CACNA1B: variants seen among roughly 807,000 people sequenced by gnomAD.
CACNA1B encodes the protein calcium voltage-gated channel subunit alpha1 B.
Under a neutral mutation model 247.2 loss-of-function variants are expected in CACNA1B, and 70 were observed. The ratio of observed to expected loss-of-function variants is 0.28; its 90% confidence interval spans 0.23 to 0.35. The LOEUF is 0.35. Among genes scored for constraint, CACNA1B ranks in the 10% least tolerant of loss-of-function variants. The pLI is 1.00. For missense variants in CACNA1B, 2,367 were observed against 3,197.4 expected, an observed-to-expected ratio of 0.74 and a Z score of 6.26; for synonymous variants, 1,231 against 1,294.4, an observed-to-expected ratio of 0.95 and a Z score of 1.05.
At chr9:138,091,339 G>C (rs924854538) in intron 36 of CACNA1B, among the ~76,000 whole-genome samples, 1 of 152,132 alleles carries the variant, frequency 6.6e-6, no homozygotes, top group African/African-American at 2.4e-5. Context: ...AAAAAAAATT[G>C]CTCTCATAGA....
chr9:138,035,214 T>C (rs1162288282), intron 20 of CACNA1B, among the ~76,000 whole-genome samples: 2 of 152,240 alleles, frequency 1.3e-5, no homozygotes, highest in Non-Finnish European at 2.9e-5. Context: ...ATCCCAGCAC[T>C]TTGGGAGGCC....
At chr9:138,066,364 T>G (rs1453278627) in intron 31 of CACNA1B, among the ~76,000 whole-genome samples, 2 of 152,158 alleles carry the variant, frequency 1.3e-5, no homozygotes, top group African/African-American at 4.8e-5. Flanking sequence ...GGAGCATCGC[T>G]TGAACCCAGG....
rs773469634 is a variant in CACNA1B, at chr9:138,073,450, G to C, written c.4675-38G>C. On this transcript the variant is annotated intron_variant, in intron 32 of 46. Coordinates refer to ENST00000371372, the MANE Select transcript of CACNA1B (RefSeq NM_000718.4). The surrounding 1 kb of genome is among the most constrained non-coding windows in gnomAD (Gnocchi z 6.4). ...GCAGCAGCTTGCCTGCGCTTTCGGGGCTTCTGAAGGTCAGAGAACAATTCC... is the reference window on the plus strand; with the variant it reads ...GCAGCAGCTTGCCTGCGCTTTCGGGCCTTCTGAAGGTCAGAGAACAATTCC... 29 of 1,327,970 alleles carry C rather than the reference G, an allele frequency of 2.2e-5. No individual in the cohort carries two copies. Among genetic ancestry groups the C allele is most frequent in the Non-Finnish European group, 2.5e-5 (23 of 920,444 alleles). The allele number at this position is 1,327,970 out of a possible 1,614,324, so 82.3% of individuals were successfully genotyped here.
At chr9:138,047,876 A>G (rs1400365639) in intron 23 of CACNA1B, among the ~76,000 whole-genome samples, 3 of 152,168 alleles carry the variant, frequency 2.0e-5, no homozygotes, top group African/African-American at 7.2e-5. Context: ...GGTGCTGAAG[A>G]CTTGAATTTA....
chr9:138,112,565 C>A, intron 40 of CACNA1B, 60 bp downstream of exon 40: 1 of 1,166,978 alleles, frequency 8.6e-7, no homozygotes, highest in Non-Finnish European at 1.3e-6. Context: ...CCCAGAGTGG[C>A]TGGAGGGCTG....
At chr9:138,004,500 A>G (rs948111294) in intron 15 of CACNA1B, among the ~76,000 whole-genome samples, 7 of 151,610 alleles carry the variant, frequency 4.6e-5, no homozygotes, top group Non-Finnish European at 1.0e-4. Flanking sequence ...CAGTGGGCCA[A>G]GATCACACCA....
chr9:137,964,676 C>A (rs984834152), intron 10 of CACNA1B, among the ~76,000 whole-genome samples: 1 of 152,198 alleles, frequency 6.6e-6, no homozygotes, highest in Non-Finnish European at 1.5e-5. Flanking sequence ...TTATTACCCA[C>A]CTTCTGAAGC....
chr9:138,066,179 G>A (rs541541166), intron 31 of CACNA1B, among the ~76,000 whole-genome samples: 1 of 152,354 alleles, frequency 6.6e-6, no homozygotes, highest in Non-Finnish European at 1.5e-5. Context: ...GGAGCTCTGA[G>A]GGTAGTGTGG....
intron 39 of CACNA1B, among the ~76,000 whole-genome samples, chr9:138,107,395 A>C (rs959522533): frequency 6.6e-6 from 1 of 150,762 alleles, no homozygotes; most frequent in Non-Finnish European, 1.5e-5. Flanking sequence ...TGCAGGCACC[A>C]CTCCTCCATA....
intron 6 of CACNA1B, among the ~76,000 whole-genome samples, chr9:137,932,514 T>C (rs1156465322): frequency 1.3e-5 from 2 of 152,202 alleles, no homozygotes; most frequent in African/African-American, 2.4e-5. Flanking sequence ...CTTTCCCATA[T>C]GGTTGAGGTC....
Position 138,124,048 on chromosome 9 carries a change from C to CTCT in CACNA1B, c.*2053_*2055dup, listed in dbSNP as rs1962187169. ...ACACAGCCTAGCTGGCTTGTCTAGA[C>CTCT]TCTTCTAGGCATTGGAATTGATGAA... On this transcript the variant is annotated 3_prime_UTR_variant, in exon 47 of 47. Coordinates refer to ENST00000371372, the MANE Select transcript of CACNA1B (RefSeq NM_000718.4). 1 of 152,192 alleles carries CTCT rather than the reference C, an allele frequency of 6.6e-6. No homozygotes were observed. The allele number at this position is 152,192 out of a possible 1,614,324, so 9.4% of individuals were successfully genotyped here. A position where few individuals can be genotyped will look rare whatever the true frequency, so the allele number is the denominator to read the frequency against.
At chr9:137,994,810 C>T (rs146903509) in intron 15 of CACNA1B, among the ~76,000 whole-genome samples, 85 of 152,292 alleles carry the variant, frequency 5.6e-4, no homozygotes, top group Non-Finnish European at 9.4e-4. Context: ...AAATTCAATG[C>T]AATTCCCATC....
chr9:137,893,608 G>A (rs1286235679), intron 3 of CACNA1B, among the ~76,000 whole-genome samples: 6 of 150,412 alleles, frequency 4.0e-5, no homozygotes, highest in Admixed American at 1.3e-4. Flanking sequence ...CTGAGATCGC[G>A]CCATTGCACT....
intron 6 of CACNA1B, among the ~76,000 whole-genome samples, chr9:137,937,675 G>C (rs1957683758): frequency 6.6e-6 from 1 of 152,114 alleles, no homozygotes; most frequent in South Asian, 2.1e-4. Flanking sequence ...GCTGGGTGCT[G>C]TGGCTCACAC....
At chr9:138,026,851 TCTTCCAAAGGGACTGTA>T in intron 20 of CACNA1B, among the ~76,000 whole-genome samples, 1 of 152,362 alleles carries the variant, frequency 6.6e-6, no homozygotes, top group Non-Finnish European at 1.5e-5. Flanking sequence ...TGACAAACTA[TCTTCCAAAGGGACTGTA>T]CCATTTTGCA....
In CACNA1B at chr9:137,986,751, G is replaced by A; in HGVS notation, c.1902-31G>A. The A allele has an allele frequency of 6.3e-7, 1 of 1,582,488 alleles. No individual in the cohort carries two copies. The highest frequency in any genetic ancestry group is 1.1e-5 in the South Asian group (1 of 90,390). ...GCGCTGCCTCGCTGCTGACGGGACT[G>A]CCACTTCCCAAGCCTTCCTGTTTTC... is the stretch of plus-strand genomic sequence containing the variant. On this transcript the variant is annotated intron_variant, in intron 14 of 46. Transcript: ENST00000371372. This position sits in a 1 kb window ranked among gnomAD's most constrained non-coding sequence, Gnocchi z 6.0.
At chr9:137,988,830 T>C (rs1381556521) in intron 15 of CACNA1B, among the ~76,000 whole-genome samples, 1 of 152,166 alleles carries the variant, frequency 6.6e-6, no homozygotes, top group East Asian at 1.9e-4. Context: ...GAAGGCTTGT[T>C]GAGCTGCAGA....
At chr9:137,993,747 A>T (rs1051066803) in intron 15 of CACNA1B, among the ~76,000 whole-genome samples, 2 of 152,222 alleles carry the variant, frequency 1.3e-5, no homozygotes, top group African/African-American at 4.8e-5. Context: ...AGATGAATTC[A>T]GAGCAAAATT....
Position 138,054,039 on chromosome 9 carries a change from C to A in CACNA1B, c.3968+33C>A. 1 of 1,604,140 alleles carries A rather than the reference C, an allele frequency of 6.2e-7. No individual in the cohort carries two copies. Among genetic ancestry groups the A allele is most frequent in the Non-Finnish European group, 8.5e-7 (1 of 1,171,466 alleles). ...GAGGCAGGGTGCAAGGTGGGACACA[C>A]AGCCCCATGATGCAGACAACACTGG... On this transcript the variant is annotated intron_variant, in intron 26 of 46. Transcript: ENST00000371372. This position sits in a 1 kb window ranked among gnomAD's most constrained non-coding sequence, Gnocchi z 4.6.
Sources: gnomAD v4.1 joint callset for allele counts (sites outside exome capture counted in the v4.1 genomes callset) on GRCh38, gnomAD v4.1.1 for gene constraint, Gnocchi (gnomAD v3.1) non-coding constraint, MANE v1.5 for transcripts, NCBI Gene and HGNC (gene_info 2026-07-23, HGNC 2026-07-21) for gene names.